Variants in POLR3A observed in about 807,000 individuals in gnomAD.
The protein encoded by POLR3A is RNA polymerase III subunit A.
A neutral mutation model predicts 152.8 loss-of-function variants in POLR3A; 112 were observed. The observed-to-expected ratio is 0.73, with a 90% CI of 0.63 to 0.86. POLR3A has a LOEUF of 0.86. POLR3A is among the 40% of genes least tolerant of loss of function. The pLI, the probability that POLR3A is intolerant of heterozygous loss-of-function variation, is 0.00. For synonymous variants in POLR3A, 615 were observed against 652.1 expected (o/e 0.94, Z 0.87); for missense variants, 1,385 against 1,743.1 (o/e 0.79, Z 3.66).
intron 21 of POLR3A, among the ~76,000 whole-genome samples, chr10:77,990,760 C>A (rs1464395322): frequency 6.6e-6 from 1 of 151,898 alleles, no homozygotes; most frequent in Non-Finnish European, 1.5e-5. Context: ...ATTACAGGTG[C>A]CCGCCACCAC....
chr10:78,029,071 T>G (rs1161367170), intron 1 of POLR3A, among the ~76,000 whole-genome samples: 1 of 152,102 alleles, frequency 6.6e-6, no homozygotes. Context: ...CAGGGATCAT[T>G]GTATGACTTC....
In POLR3A at chr10:78,022,462, G is replaced by C. The variant is rs576173425; in HGVS notation, c.646-78C>G. 4.1e-6 allele frequency: 6 copies of C among 1,454,874 alleles called. No homozygotes were observed. The African/African-American group carries it at 5.5e-5, about 13-fold the overall frequency. 90.1% of individuals were successfully genotyped at this position (1,454,874 alleles called of 1,614,324 possible). A position where few individuals can be genotyped will look rare whatever the true frequency, so the allele number is the denominator to read the frequency against. Reference sequence around the variant, plus strand: ...CTTGGGCAAGGTTTTCCTTCACTATGTTTTCTAACCTATCTGTCACTAAGG... The same window carrying C: ...CTTGGGCAAGGTTTTCCTTCACTATCTTTTCTAACCTATCTGTCACTAAGG... On this transcript the variant is annotated intron_variant, in intron 5 of 30. Transcript: ENST00000372371.
At chr10:77,997,509 C>T (rs1408703675) in intron 19 of POLR3A, among the ~76,000 whole-genome samples, 1 of 152,072 alleles carries the variant, frequency 6.6e-6, no homozygotes, top group Non-Finnish European at 1.5e-5. Context: ...TTCTTATACA[C>T]CAATAACAGA....
chr10:78,010,646 CAGA>C (rs1847458599), intron 11 of POLR3A, 106 bp from the exon 12 acceptor site: 9 of 821,116 alleles, frequency 1.1e-5, no homozygotes, highest in Admixed American at 5.7e-5. Flanking sequence ...TACAGAGTAG[CAGA>C]AGGACGAGGC....
At chr10:77,977,657 C>A in intron 30 of POLR3A, 31 bp from the exon 31 acceptor site, 1 of 1,588,856 alleles carries the variant, frequency 6.3e-7, no homozygotes, top group Non-Finnish European at 8.6e-7. Context: ...CATCAGAGAG[C>A]CTCTAAACAC....
intron 20 of POLR3A, among the ~76,000 whole-genome samples, chr10:77,992,351 C>T (rs1847257266): frequency 6.6e-6 from 1 of 150,942 alleles, no homozygotes; most frequent in Non-Finnish European, 1.5e-5. Flanking sequence ...CTCACTGTGG[C>T]CTCAAATTCC....
At chr10:77,999,333 G>A (rs1847332617) in intron 19 of POLR3A, among the ~76,000 whole-genome samples, 1 of 152,084 alleles carries the variant, frequency 6.6e-6, no homozygotes, top group Admixed American at 6.6e-5. Context: ...TTAAATTATT[G>A]AGTGGAGAGT....
At chr10:78,020,520 G>T (rs934729512) in intron 8 of POLR3A, among the ~76,000 whole-genome samples, 2 of 151,566 alleles carry the variant, frequency 1.3e-5, no homozygotes. Context: ...CGGATGCGGT[G>T]GCTCATACCT....
chr10:77,994,233 T>A (rs1375770911), intron 19 of POLR3A, among the ~76,000 whole-genome samples: 2 of 152,056 alleles, frequency 1.3e-5, no homozygotes, highest in African/African-American at 4.8e-5. Flanking sequence ...CGATTAAAGG[T>A]ATCAGATGAT....
At chr10:78,003,924 A>C (rs2162665) in intron 16 of POLR3A, among the ~76,000 whole-genome samples, 1 of 151,726 alleles carries the variant, frequency 6.6e-6, no homozygotes, top group African/African-American at 2.4e-5. Flanking sequence ...GTGAGACTCC[A>C]TCTTAAAACA....
chr10:77,997,246 G>T (rs1171688191), intron 19 of POLR3A, among the ~76,000 whole-genome samples: 14 of 151,782 alleles, frequency 9.2e-5, no homozygotes, highest in Admixed American at 6.6e-5. Context: ...CTTTGAAAAC[G>T]GGCACAAGAC....
At chr10:78,011,250 A>T (rs1347934581) in intron 11 of POLR3A, among the ~76,000 whole-genome samples, 2 of 152,186 alleles carry the variant, frequency 1.3e-5, no homozygotes, top group African/African-American at 4.8e-5. Flanking sequence ...CTTGTCCACA[A>T]TGATGACAGA....
intron 26 of POLR3A, among the ~76,000 whole-genome samples, 189 bp from the exon 27 acceptor site, chr10:77,983,006 T>C (rs1043360086): frequency 6.6e-6 from 1 of 152,224 alleles, no homozygotes; most frequent in Non-Finnish European, 1.5e-5. Flanking sequence ...CTATGCTTTA[T>C]TCATAAAAAG....
chr10:77,990,930 A>G (rs1170893814), intron 21 of POLR3A, 124 bp downstream of exon 21: 5 of 687,566 alleles, frequency 7.3e-6, no homozygotes, highest in Admixed American at 6.1e-5. Flanking sequence ...TGAACTTTCT[A>G]ACAAAGGAAC....
intron 10 of POLR3A, among the ~76,000 whole-genome samples, chr10:78,015,540 C>T (rs1344991757): frequency 6.6e-6 from 1 of 152,094 alleles, no homozygotes; most frequent in Non-Finnish European, 1.5e-5. Context: ...GCTGTCCAGG[C>T]TGGTCTCGAA....
At chr10:77,986,856 C>T (rs919321854) in intron 21 of POLR3A, among the ~76,000 whole-genome samples, 2 of 152,112 alleles carry the variant, frequency 1.3e-5, no homozygotes, top group Non-Finnish European at 2.9e-5. Flanking sequence ...CACTCTCAGC[C>T]CCGGGAGGAT....
chr10:78,004,957 A>G (rs551146558), intron 15 of POLR3A, 69 bp from the exon 16 acceptor site: 2 of 1,202,134 alleles, frequency 1.7e-6, no homozygotes. Flanking sequence ...AATACAGTTT[A>G]TGCCTGCTAG....
intron 1 of POLR3A, among the ~76,000 whole-genome samples, chr10:78,026,874 C>T (rs987995476): frequency 6.6e-6 from 1 of 152,184 alleles, no homozygotes; most frequent in Admixed American, 6.5e-5. Flanking sequence ...TCAAACCCCA[C>T]ACATTGAAAA....
At chr10:78,017,860 C>T (rs994731668) in intron 9 of POLR3A, 144 bp from the exon 10 acceptor site, 4 of 993,154 alleles carry the variant, frequency 4.0e-6, no homozygotes, top group South Asian at 1.4e-5. Context: ...GTTTTATGTG[C>T]CAAGAAAAAA....
Sources: allele counts gnomAD v4.1 joint callset (sites outside exome capture counted in the v4.1 genomes callset), GRCh38; gene constraint gnomAD v4.1.1; transcripts MANE v1.5; gene names NCBI Gene and HGNC (gene_info 2026-07-23, HGNC 2026-07-21).